NCOA6: variants seen among roughly 807,000 people sequenced by gnomAD.
NCOA6 encodes the protein NRC RAP250.
Under a neutral mutation model 171.4 loss-of-function variants are expected in NCOA6, and 49 were observed. That is an observed-to-expected ratio of 0.29 (90% confidence interval 0.23 to 0.36). NCOA6 has a LOEUF of 0.36. NCOA6 is among the 10% of genes least tolerant of loss of function. The pLI, the probability that NCOA6 is intolerant of heterozygous loss-of-function variation, is 1.00. For missense variants in NCOA6, 2,248 were observed against 2,554.5 expected (o/e 0.88, Z 2.59); for synonymous variants, 910 against 927.5 (o/e 0.98, Z 0.34).
At chr20:34,769,186 A>G (rs1236941092) in intron 4 of NCOA6, among the ~76,000 whole-genome samples, 1 of 152,034 alleles carries the variant, frequency 6.6e-6, no homozygotes, top group Non-Finnish European at 1.5e-5. Flanking sequence ...CAGGACCAAT[A>G]CTTTTATAGG....
chr20:34,742,918 A>G lies in NCOA6; in HGVS notation c.3338T>C (p.Val1113Ala). The G allele has an allele frequency of 1.2e-6, 2 of 1,614,082 alleles. No homozygotes were observed. The highest frequency in any genetic ancestry group is 1.1e-5 in the South Asian group (1 of 91,084). The change falls in exon 11 of 15, where the codon GTC (valine) becomes GCC (alanine). Residue 1113 changes from valine (V) to alanine (A), a missense_variant. Around this residue, in one of 7 missense-constraint regions of NCOA6, gnomAD observed 352 missense variants for 419.1 expected, o/e 0.84. Coordinates refer to ENST00000359003, the MANE Select transcript of NCOA6 (RefSeq NM_014071.5). ...AGGATTCTGCGGGCTCTCCTGATAG[A>G]CCATTTTCCTTGAATTGCTTCCCAA... ...TPLGSNSRKMVYQESPQNPSS... is the reference protein window; with the variant it reads ...TPLGSNSRKMAYQESPQNPSS...
rs529132918 is a variant in NCOA6 at position 34,784,686 on chromosome 20, C to A, written c.-49-2282G>T. On this transcript the variant is annotated intron_variant, in intron 2 of 14. Transcript: ENST00000359003. ...GCCCCAGCTACTCAGGAGGCTGAGGCGGGAGGATCCCTCAAACCCAGGAGT... is the reference window on the plus strand; with the variant it reads ...GCCCCAGCTACTCAGGAGGCTGAGGAGGGAGGATCCCTCAAACCCAGGAGT... Among the ~76,000 whole-genome samples the A allele has an allele frequency of 5.0e-4, 76 of 152,132 alleles. 1 individual carries two copies. The highest frequency in any genetic ancestry group is 1.7e-3 in the African/African-American group (71 of 41,504).
At chr20:34,756,946 A>G (rs1226829495) in intron 7 of NCOA6, among the ~76,000 whole-genome samples, 1 of 152,238 alleles carries the variant, frequency 6.6e-6, no homozygotes, top group Admixed American at 6.5e-5. Context: ...TTACTAGTAC[A>G]AGATCAAGCA....
At chr20:34,737,131 T>C (rs1256932370) in intron 11 of NCOA6, among the ~76,000 whole-genome samples, 1 of 152,180 alleles carries the variant, frequency 6.6e-6, no homozygotes, top group Non-Finnish European at 1.5e-5. Context: ...GGTACAATTA[T>C]ACCATTCCCC....
intron 12 of NCOA6, among the ~76,000 whole-genome samples, chr20:34,733,828 G>T (rs1452883685): frequency 1.6e-5 from 2 of 125,364 alleles, no homozygotes; most frequent in African/African-American, 6.3e-5. Context: ...CTCCAGCCTG[G>T]TGACAGAGCA....
intron 13 of NCOA6, among the ~76,000 whole-genome samples, chr20:34,731,209 G>A (rs1393579534): frequency 2.6e-5 from 4 of 151,692 alleles, no homozygotes; most frequent in East Asian, 1.9e-4. Flanking sequence ...TAGTAGAGAC[G>A]GGGTCTTACC....
chr20:34,721,258 A>C (rs945699517), intron 14 of NCOA6, among the ~76,000 whole-genome samples: 4 of 149,996 alleles, frequency 2.7e-5, no homozygotes, highest in Non-Finnish European at 5.9e-5. Context: ...AAAAAAAAAA[A>C]AAAAAAAAAC....
chr20:34,731,474 T>G (rs78681782), intron 13 of NCOA6, among the ~76,000 whole-genome samples: 4,405 of 152,338 alleles, frequency 0.029, 224 homozygotes, highest in African/African-American at 0.1. Context: ...CTTTCTGAAC[T>G]TTAGATTTCT....
chr20:34,789,857 C>CAATAA (rs1287095040), intron 2 of NCOA6, among the ~76,000 whole-genome samples: 1 of 152,040 alleles, frequency 6.6e-6, no homozygotes, highest in Non-Finnish European at 1.5e-5. Context: ...CACAGCATAA[C>CAATAA]AATAAAATAA....
intron 1 of NCOA6, among the ~76,000 whole-genome samples, chr20:34,816,472 G>C (rs1306607944): frequency 6.6e-6 from 1 of 152,134 alleles, no homozygotes; most frequent in Non-Finnish European, 1.5e-5. Context: ...AAGATGGAGT[G>C]ATGCAGCTAC....
chr20:34,722,306 G>A (rs991590066), intron 14 of NCOA6, among the ~76,000 whole-genome samples: 3 of 151,532 alleles, frequency 2.0e-5, no homozygotes, highest in African/African-American at 7.3e-5. Flanking sequence ...GCTTGAACCT[G>A]GGAGGCGGAG....
At chr20:34,727,921 C>T (rs1173075731) in intron 13 of NCOA6, among the ~76,000 whole-genome samples, 1 of 151,960 alleles carries the variant, frequency 6.6e-6, no homozygotes, top group Non-Finnish European at 1.5e-5. Context: ...ATGGGGGTTT[C>T]ACCACACTGG....
chr20:34,721,478 T>A (rs1485336918), intron 14 of NCOA6, among the ~76,000 whole-genome samples: 1 of 152,052 alleles, frequency 6.6e-6, no homozygotes, highest in Non-Finnish European at 1.5e-5. Context: ...TGGCATGGAC[T>A]GGGGGTTGCG....
chr20:34,749,811 G>C lies in NCOA6; in HGVS notation c.2384C>G (p.Pro795Arg). Residue 795 changes from proline (P) to arginine (R), a missense_variant, in exon 9 of 15, where the codon CCA becomes CGA. Transcript: ENST00000359003. ...GQVLRPPGPS[P>R]HMAQQHGDPA... ...ATCACCATGCTGCTGGGCCATGTGT[G>C]GGCTGGGCCCTGGTGGCCGCAGGAC... 6.2e-7 allele frequency: 1 copy of C among 1,614,248 alleles called. No individual in the cohort carries two copies.
chr20:34,752,914 C>CA lies in NCOA6; in HGVS notation c.1675+1807dup, dbSNP rs71196760. On this transcript the variant is annotated intron_variant, in intron 8 of 14. Transcript: ENST00000359003. ...GGGCACAAGAGCAAAAACTCCATCT[C>CA]AAAAAAAAAAAAAAACACACACAAA... Among the ~76,000 whole-genome samples the CA allele has an allele frequency of 7.0e-3, 838 of 118,988 alleles. 7 individuals are homozygous for CA. Among genetic ancestry groups the CA allele is most frequent in the South Asian group, 0.022 (74 of 3,392 alleles). 78.1% of individuals were successfully genotyped at this position (118,988 alleles called of 152,430 possible). A position where few individuals can be genotyped will look rare whatever the true frequency, so the allele number is the denominator to read the frequency against.
chr20:34,769,945 A>G (rs1481647322), intron 4 of NCOA6, among the ~76,000 whole-genome samples: 1 of 152,190 alleles, frequency 6.6e-6, no homozygotes, highest in Non-Finnish European at 1.5e-5. Context: ...AAGTCCTTCT[A>G]AACTGTAGGG....
intron 4 of NCOA6, among the ~76,000 whole-genome samples, chr20:34,771,105 G>A (rs2077136393): frequency 6.6e-6 from 1 of 152,136 alleles, no homozygotes; most frequent in Non-Finnish European, 1.5e-5. Context: ...ATTTCAACAT[G>A]TAATTAATGT....
chr20:34,757,189 T>C (rs1291388631), intron 7 of NCOA6, 31 bp downstream of exon 7: 2 of 1,516,820 alleles, frequency 1.3e-6, no homozygotes, highest in South Asian at 1.3e-5. Context: ...CCAGCAAATT[T>C]ACCAACACAA....
intron 13 of NCOA6, among the ~76,000 whole-genome samples, chr20:34,730,332 C>T (rs143472919): frequency 1.3e-5 from 2 of 152,118 alleles, no homozygotes; most frequent in African/African-American, 2.4e-5. Flanking sequence ...AGCAATCCTC[C>T]CTCCTTGGTC....
Sources: allele counts gnomAD v4.1 joint callset (sites outside exome capture counted in the v4.1 genomes callset), GRCh38; gene constraint gnomAD v4.1.1; regional missense constraint gnomAD v4.1.1; transcripts MANE v1.5; gene names NCBI Gene and HGNC (gene_info 2026-07-23, HGNC 2026-07-21).